PAX3: variants seen among roughly 807,000 people sequenced by gnomAD.
PAX3 encodes paired box protein Pax-3.
A neutral mutation model predicts 51.6 loss-of-function variants in PAX3; 14 were observed. The ratio of observed to expected loss-of-function variants is 0.27; its 90% CI spans 0.18 to 0.42. The LOEUF (loss-of-function observed/expected upper bound fraction) is 0.42, where lower values mean the gene tolerates loss of function less well. PAX3 is among the 10% of genes least tolerant of loss of function. The pLI, the probability that PAX3 is intolerant of heterozygous loss-of-function variation, is 1.00. For missense variants in PAX3, 540 were observed against 642.8 expected (o/e 0.84, Z 1.73); for synonymous variants, 280 against 253.4 (o/e 1.11, Z -1.00).
chr2:222,202,385 T>A (rs1691331158), intron 7 of PAX3, among the ~76,000 whole-genome samples, 195 bp from the exon 8 acceptor site: 1 of 150,702 alleles, frequency 6.6e-6, no homozygotes, highest in South Asian at 2.1e-4. Flanking sequence ...CTGACTGCAG[T>A]TGCAGAAGAA....
rs45451098 is a variant in PAX3 at position 222,286,783 on chromosome 2, A to T, written c.586+7384T>A. 7.0e-4 allele frequency among the ~76,000 whole-genome samples: 106 copies of T among 152,364 alleles called. No individual in the cohort carries two copies. The Middle Eastern group carries it at 0.017, about 24-fold the overall frequency. On this transcript the variant is annotated intron_variant, in intron 4 of 8. Coordinates refer to ENST00000392070, the MANE Select transcript of PAX3 (RefSeq NM_181458.4). Reference sequence around the variant, plus strand: ...CAGAAATTACCTGTTGGTGGTTTTTAAAAAGATTTGTCAGGAAGGAAAGAA... The same window carrying T: ...CAGAAATTACCTGTTGGTGGTTTTTTAAAAGATTTGTCAGGAAGGAAAGAA...
intron 4 of PAX3, among the ~76,000 whole-genome samples, chr2:222,234,940 A>G (rs1692743859): frequency 1.3e-5 from 2 of 152,192 alleles, no homozygotes; most frequent in Non-Finnish European, 2.9e-5. Context: ...TGAAACACTC[A>G]ATAGCATTTA....
At chr2:222,229,110 T>C (rs1338312854) in intron 5 of PAX3, among the ~76,000 whole-genome samples, 1 of 151,776 alleles carries the variant, frequency 6.6e-6, no homozygotes, top group Non-Finnish European at 1.5e-5. Flanking sequence ...GCAAAGTAGA[T>C]TTGAAACATA....
chr2:222,253,195 A>G (rs1305392813), intron 4 of PAX3, among the ~76,000 whole-genome samples: 1 of 152,224 alleles, frequency 6.6e-6, no homozygotes, highest in Admixed American at 6.5e-5. Flanking sequence ...TGAGCTGCCT[A>G]AATGGTATGG....
intron 7 of PAX3, chr2:222,214,492 G>C (rs536176762): frequency 6.6e-6 from 1 of 152,056 alleles, no homozygotes; most frequent in Non-Finnish European, 1.5e-5. Context: ...ACAAAAAGTC[G>C]ATCCTGGCAT....
chr2:222,260,565 G>GTTTT (rs869129158), intron 4 of PAX3, among the ~76,000 whole-genome samples: 41 of 55,846 alleles, frequency 7.3e-4, no homozygotes, highest in Non-Finnish European at 8.6e-4. Context: ...TTTTTTTTTT[G>GTTTT]TTTTTTTTTT....
intron 4 of PAX3, chr2:222,293,940 AAG>A: frequency 1.3e-6 from 2 of 1,533,950 alleles, no homozygotes; most frequent in African/African-American, 2.8e-5. Flanking sequence ...GTGGTTAAGA[AAG>A]AAAGATTTAC....
At chr2:222,261,990 GC>G (rs759544218) in intron 4 of PAX3, among the ~76,000 whole-genome samples, 62 of 152,224 alleles carry the variant, frequency 4.1e-4, no homozygotes, top group Non-Finnish European at 8.2e-4. Flanking sequence ...GCTTCTTTGT[GC>G]CCCTTTGGTC....
intron 4 of PAX3, among the ~76,000 whole-genome samples, chr2:222,241,807 G>A (rs12053273): frequency 0.23 from 35,449 of 152,124 alleles, 4,528 homozygotes; most frequent in East Asian, 0.54. Context: ...AACAATGGGC[G>A]TTTTTAATCT....
chr2:222,222,254 C>A (rs772708450), intron 5 of PAX3, among the ~76,000 whole-genome samples: 5 of 151,982 alleles, frequency 3.3e-5, no homozygotes, highest in Non-Finnish European at 5.9e-5. Flanking sequence ...TTTCATGGGT[C>A]CTGTGCTCCT....
At chr2:222,244,340 G>T (rs138961048) in intron 4 of PAX3, among the ~76,000 whole-genome samples, 128 of 152,196 alleles carry the variant, frequency 8.4e-4, no homozygotes, top group Non-Finnish European at 1.6e-3. Context: ...TACCCAGATG[G>T]CCCCTTCCTC....
rs572385019 is a variant in PAX3, at chr2:222,214,030, C to G, written c.1173+6110G>C. The stretch of plus-strand genomic sequence containing the variant: ...GCAACAAATGAAACAGAGAAGTACC[C>G]AATGCAACAATTTTTAATGACTATA... On this transcript the variant is annotated intron_variant, in intron 7 of 8. Transcript: ENST00000392070. 3.3e-5 allele frequency among the ~76,000 whole-genome samples: 5 copies of G among 152,236 alleles called. No individual in the cohort carries two copies. In the East Asian group the frequency reaches 9.7e-4, roughly 29 times the overall value.
chr2:222,221,256 C>G lies in PAX3; in HGVS notation c.924G>C (p.Ser308=). The G allele has an allele frequency of 4.3e-6, 7 of 1,613,944 alleles. No individual in the cohort carries two copies. The highest frequency in any genetic ancestry group is 5.9e-6 in the Non-Finnish European group (7 of 1,179,924). Residue 308 remains serine (S), a synonymous_variant, in exon 6 of 9, where the codon TCG becomes TCC. Coordinates refer to ENST00000392070, the MANE Select transcript of PAX3 (RefSeq NM_181458.4). ...AMPTLPTYQL[S]ETSYQPTSIP... ...TAGATGTGGGCTGGTAAGAGGTCTC[C>G]GACAGCTGGTACGTTGGCAAGGTCG...
At chr2:222,226,640 G>A in intron 5 of PAX3, among the ~76,000 whole-genome samples, 1 of 151,276 alleles carries the variant, frequency 6.6e-6, no homozygotes, top group Non-Finnish European at 1.5e-5. Flanking sequence ...TGCTTTTTTA[G>A]GAATTCCAAA....
intron 7 of PAX3, among the ~76,000 whole-genome samples, chr2:222,215,150 C>G (rs899481420): frequency 3.3e-5 from 5 of 151,988 alleles, no homozygotes; most frequent in African/African-American, 1.2e-4. Context: ...CAGAAAGCTT[C>G]TTGGATATCA....
intron 4 of PAX3, among the ~76,000 whole-genome samples, chr2:222,245,463 G>T (rs185281537): frequency 1.3e-5 from 2 of 152,300 alleles, no homozygotes; most frequent in Non-Finnish European, 2.9e-5. Context: ...ATGTGAATAG[G>T]TCAGGTACCC....
chr2:222,210,145 A>G (rs1301066497), intron 7 of PAX3, among the ~76,000 whole-genome samples: 2 of 152,206 alleles, frequency 1.3e-5, no homozygotes, highest in Non-Finnish European at 2.9e-5. Flanking sequence ...CTGCACAGGC[A>G]ACTTGATGTA....
chr2:222,243,140 C>G (rs116485834), intron 4 of PAX3, among the ~76,000 whole-genome samples: 1 of 151,856 alleles, frequency 6.6e-6, no homozygotes, highest in Non-Finnish European at 1.5e-5. Context: ...TAGCATGACA[C>G]GAGATGTTTG....
chr2:222,262,910 A>G (rs1693918551), intron 4 of PAX3: 1 of 152,220 alleles, frequency 6.6e-6, no homozygotes, highest in South Asian at 2.1e-4. Context: ...GTGTTGAAAC[A>G]GTTAGACATA....
Sources: allele counts gnomAD v4.1 joint callset (sites outside exome capture counted in the v4.1 genomes callset), GRCh38; gene constraint gnomAD v4.1.1; transcripts MANE v1.5; gene names NCBI Gene and HGNC (gene_info 2026-07-23, HGNC 2026-07-21).